The following TMEM63B variants were observed in gnomAD, a reference collection of about 807,000 sequenced individuals.
TMEM63B encodes transmembrane protein 63B.
TMEM63B carries 23 observed loss-of-function variants against 102.6 expected under a neutral mutation model. That is an observed-to-expected ratio of 0.22 (90% confidence interval 0.16 to 0.32). TMEM63B has a LOEUF of 0.32. Among genes scored for constraint, TMEM63B ranks in the 10% least tolerant of loss-of-function variants. TMEM63B has a pLI of 1.00. For synonymous variants in TMEM63B, 444 were observed against 437.0 expected (o/e 1.02, Z -0.20); for missense variants, 628 against 1,095.9 (o/e 0.57, Z 6.03).
At position 44,148,415 on chromosome 6, in the gene TMEM63B, A is replaced by G. The variant is rs1765874655; in HGVS notation, c.1121+30A>G. ...GTCCCCAACTCGGCCCTCGGCCCTGAGCAGCCCTCCAGGGCTCCCTGACCC... is the reference window on the plus strand; with the variant it reads ...GTCCCCAACTCGGCCCTCGGCCCTGGGCAGCCCTCCAGGGCTCCCTGACCC... On this transcript the variant is annotated intron_variant, in intron 13 of 23. Transcript: ENST00000323267. This position sits in a 1 kb window ranked among gnomAD's most constrained non-coding sequence, Gnocchi z 5.1. The G allele has an allele frequency of 6.2e-7, 1 of 1,614,100 alleles. No individual in the cohort carries two copies.
At chr6:44,128,216 A>T (rs1777589379) in intron 1 of TMEM63B, among the ~76,000 whole-genome samples, 1 of 152,016 alleles carries the variant, frequency 6.6e-6, no homozygotes, top group South Asian at 2.1e-4. Flanking sequence ...CAGGGTTCGC[A>T]GGTGCTGGCA....
At chr6:44,137,247 A>G (rs1472738545) in intron 5 of TMEM63B, among the ~76,000 whole-genome samples, 4 of 152,116 alleles carry the variant, frequency 2.6e-5, no homozygotes, top group Non-Finnish European at 2.9e-5. Context: ...GACCCCTTTC[A>G]TATCAGACCT....
chr6:44,151,578 T>G (rs1489154180), intron 18 of TMEM63B, among the ~76,000 whole-genome samples: 1 of 152,108 alleles, frequency 6.6e-6, no homozygotes. Context: ...TCCTGGACAG[T>G]TCTCCCCTGA....
At chr6:44,147,920 TGAGACCA>T (rs1162966811) in intron 12 of TMEM63B, among the ~76,000 whole-genome samples, 3 of 152,144 alleles carry the variant, frequency 2.0e-5, no homozygotes, top group Non-Finnish European at 4.4e-5. Context: ...GCCAGGAGTT[TGAGACCA>T]GCCTGGGAAA....
intron 5 of TMEM63B, 29 bp downstream of exon 5, chr6:44,136,468 T>A: frequency 6.8e-7 from 1 of 1,469,328 alleles, no homozygotes; most frequent in Non-Finnish European, 9.4e-7. Flanking sequence ...AACTTCTTAG[T>A]CCCCCACCCC....
rs750929547 is a variant in TMEM63B at position 44,154,124 on chromosome 6, T to A, written c.2162T>A (p.Ile721Asn). 1 of 1,614,154 alleles carries A rather than the reference T, an allele frequency of 6.2e-7. No individual in the cohort carries two copies. Among genetic ancestry groups the A allele is most frequent in the South Asian group, 1.1e-5 (1 of 91,088 alleles). The change falls in exon 22 of 24, where the codon ATC (isoleucine) becomes AAC (asparagine). Residue 721 changes from isoleucine (I) to asparagine (N), a missense_variant. Physicochemically the swap from Ile to Asn is moderately radical, Grantham distance 149. Around this residue, in one of 6 missense-constraint regions of TMEM63B, gnomAD observed 129 missense variants for 153.5 expected, o/e 0.84. Transcript: ENST00000323267. ...ACATTTGTGGTCCTGGTCATCACCA[T>A]CGTCATCTGTCTCTGCCACGTCTGC... Reference protein sequence around the residue: ...MFTFVVLVITIVICLCHVCFG... With the variant: ...MFTFVVLVITNVICLCHVCFG...
rs543923696 is a variant in TMEM63B, at chr6:44,136,452, C to T, written c.369+13C>T. The T allele has an allele frequency of 6.2e-7, 1 of 1,606,042 alleles. No individual in the cohort carries two copies. The highest frequency in any genetic ancestry group is 1.7e-5 in the Admixed American group (1 of 59,896). On this transcript the variant is annotated intron_variant, in intron 5 of 23. Transcript: ENST00000323267. ...CCAAAGGGACAATGTGAGTGCCCTC[C>T]CCCCAAACTTCTTAGTCCCCCACCC...
chr6:44,134,394 A>G, intron 1 of TMEM63B, 167 bp from the exon 2 acceptor site: 1 of 653,138 alleles, frequency 1.5e-6, no homozygotes, highest in South Asian at 2.2e-5. Flanking sequence ...AGGTAAATCC[A>G]TGTGACTCAA....
At chr6:44,133,371 T>C (rs1762313776) in intron 1 of TMEM63B, among the ~76,000 whole-genome samples, 1 of 152,182 alleles carries the variant, frequency 6.6e-6, no homozygotes, top group Admixed American at 6.5e-5. Flanking sequence ...GCTCCCGAAG[T>C]TGCAGTCACT....
chr6:44,150,770 C>A lies in TMEM63B; in HGVS notation c.1673+141C>A. 1.2e-6 allele frequency: 1 copy of A among 868,038 alleles called. No homozygotes were observed. Among genetic ancestry groups the A allele is most frequent in the East Asian group, 2.7e-5 (1 of 36,824 alleles). The allele number at this position is 868,038 out of a possible 1,614,324, so 53.8% of individuals were successfully genotyped here. On this transcript the variant is annotated intron_variant, in intron 18 of 23. Coordinates refer to ENST00000323267, the MANE Select transcript of TMEM63B (RefSeq NM_018426.3). This position sits in a 1 kb window ranked among gnomAD's most constrained non-coding sequence, Gnocchi z 4.7. ...GAAGAGAGAGGATCTGGCGGGGTTA[C>A]CCCAAAGGCACCCACAAGGTGTCTT...
intron 10 of TMEM63B, among the ~76,000 whole-genome samples, chr6:44,142,609 C>G (rs957086218): frequency 6.6e-6 from 1 of 152,130 alleles, no homozygotes; most frequent in Non-Finnish European, 1.5e-5. Context: ...AGGGTCTGAT[C>G]AGAGATTGCT....
chr6:44,151,730 T>A, intron 18 of TMEM63B, 116 bp from the exon 19 acceptor site: 1 of 1,257,798 alleles, frequency 8.0e-7, no homozygotes, highest in Non-Finnish European at 1.1e-6. Context: ...GCTGGGGGTG[T>A]CCACATGGAA....
chr6:44,146,511 C>T (rs1158133770), intron 10 of TMEM63B, among the ~76,000 whole-genome samples: 5 of 148,326 alleles, frequency 3.4e-5, no homozygotes, highest in South Asian at 2.2e-4. Context: ...AGTGCAGTGG[C>T]GCGATCTTGG....
At chr6:44,140,172 T>C in intron 8 of TMEM63B, 80 bp from the exon 9 acceptor site, 1 of 1,164,262 alleles carries the variant, frequency 8.6e-7, no homozygotes, top group African/African-American at 1.5e-5. Context: ...ATCAAGGGTT[T>C]AACACTGACA....
At chr6:44,134,816 A>C in intron 2 of TMEM63B, 73 bp downstream of exon 2, 2 of 1,544,816 alleles carry the variant, frequency 1.3e-6, no homozygotes, top group Non-Finnish European at 1.7e-6. Flanking sequence ...TCCAGCTCTA[A>C]CCACTCTCCC....
intron 10 of TMEM63B, among the ~76,000 whole-genome samples, chr6:44,142,674 T>C (rs1764540959): frequency 6.6e-6 from 1 of 152,038 alleles, no homozygotes; most frequent in African/African-American, 2.4e-5. Flanking sequence ...TGATAAAGGA[T>C]GCTGGTGGTC....
intron 1 of TMEM63B, among the ~76,000 whole-genome samples, chr6:44,131,376 C>G (rs1223659286): frequency 1.3e-5 from 2 of 152,176 alleles, no homozygotes; most frequent in Admixed American, 1.3e-4. Context: ...TCCCCTCCTC[C>G]CCTCAGACCA....
intron 1 of TMEM63B, among the ~76,000 whole-genome samples, chr6:44,129,771 C>T (rs1427531484): frequency 6.6e-6 from 1 of 152,122 alleles, no homozygotes; most frequent in Non-Finnish European, 1.5e-5. Flanking sequence ...CCCTTTTATT[C>T]CATACCTTAT....
At position 44,150,476 on chromosome 6, in the gene TMEM63B, C is replaced by T. The variant is rs1204618979; in HGVS notation, c.1608-88C>T. On this transcript the variant is annotated intron_variant, in intron 17 of 23. Transcript: ENST00000323267. The surrounding 1 kb of genome is among the most constrained non-coding windows in gnomAD (Gnocchi z 4.7). The stretch of plus-strand genomic sequence containing the variant: ...ACCCACCCCATGTCTGGGAGTCTCC[C>T]CAGTGGCTCACAGAGGAGGGACTTC... 5.9e-6 allele frequency: 9 copies of T among 1,523,628 alleles called. No individual in the cohort carries two copies. The highest frequency in any genetic ancestry group is 8.2e-6 in the Non-Finnish European group (9 of 1,100,238). 94.4% of individuals were successfully genotyped at this position (1,523,628 alleles called of 1,614,324 possible).
Sources: allele counts gnomAD v4.1 joint callset (sites outside exome capture counted in the v4.1 genomes callset), GRCh38; gene constraint gnomAD v4.1.1; regional missense constraint gnomAD v4.1.1; non-coding constraint Gnocchi (gnomAD v3.1); transcripts MANE v1.5; gene names NCBI Gene and HGNC (gene_info 2026-07-23, HGNC 2026-07-21).